The following SNTB2 variants were observed in gnomAD, a reference collection of about 807,000 sequenced individuals.
The protein encoded by SNTB2 is beta-2-syntrophin.
Under a neutral mutation model 46.2 loss-of-function variants are expected in SNTB2, and 34 were observed. The observed-to-expected ratio is 0.74, with a 90% CI of 0.56 to 0.98. The LOEUF (loss-of-function observed/expected upper bound fraction) is 0.98. SNTB2 is among the 50% of genes least tolerant of loss of function. The probability of loss-of-function intolerance (pLI) is 0.00; values close to 1 mark genes in which losing one functional copy is unlikely to be tolerated. For synonymous variants in SNTB2, 290 were observed against 312.6 expected (o/e 0.93, Z 0.76); for missense variants, 603 against 731.4 (o/e 0.82, Z 2.02).
At chr16:69,244,485 T>C (rs1964649907) in intron 1 of SNTB2, among the ~76,000 whole-genome samples, 1 of 152,244 alleles carries the variant, frequency 6.6e-6, no homozygotes, top group Non-Finnish European at 1.5e-5. Context: ...ATGTATTACC[T>C]ATTCACAGGA....
intron 1 of SNTB2, among the ~76,000 whole-genome samples, chr16:69,221,135 A>T (rs1008028409): frequency 2.6e-5 from 4 of 152,014 alleles, no homozygotes; most frequent in Admixed American, 6.6e-5. Context: ...TTCATGTTTT[A>T]AAAAAAATGA....
chr16:69,235,009 T>C (rs964578703), intron 1 of SNTB2, among the ~76,000 whole-genome samples: 1 of 152,078 alleles, frequency 6.6e-6, no homozygotes, highest in East Asian at 1.9e-4. Flanking sequence ...GGCTCTCAAC[T>C]TGGTTCTTTA....
At chr16:69,270,969 G>A (rs16958714) in intron 4 of SNTB2, among the ~76,000 whole-genome samples, 3,499 of 152,222 alleles carry the variant, frequency 0.023, 134 homozygotes, top group African/African-American at 0.08. Flanking sequence ...CATTAAAGAA[G>A]AGCGCCATGG....
chr16:69,299,473 A>T, intron 5 of SNTB2, 117 bp from the exon 6 acceptor site: 1 of 960,866 alleles, frequency 1.0e-6, no homozygotes, highest in Non-Finnish European at 1.6e-6. Context: ...CATACAGGTT[A>T]GGTATCACAC....
chr16:69,187,310 G>T lies in SNTB2; in HGVS notation c.144G>T (p.Leu48=). The T allele has an allele frequency of 6.8e-7, 1 of 1,467,790 alleles. No homozygotes were observed. 90.9% of individuals were successfully genotyped at this position (1,467,790 alleles called of 1,614,324 possible). A position where few individuals can be genotyped will look rare whatever the true frequency, so the allele number is the denominator to read the frequency against. Residue 48 remains leucine, a synonymous_variant, in exon 1 of 7, where the codon CTG becomes CTT. Transcript: ENST00000336278. The stretch of plus-strand genomic sequence containing the variant: ...TGGCCGAGCTGAGCGGGGAGAGCCT[G>T]AGCCTGACGGGCGACGCCGCCGCGG... ...RVVAELSGES[L]SLTGDAAAAE...
intron 4 of SNTB2, among the ~76,000 whole-genome samples, chr16:69,272,665 G>A (rs1234247395): frequency 2.0e-5 from 3 of 151,736 alleles, no homozygotes; most frequent in African/African-American, 7.3e-5. Flanking sequence ...GCCAAGGCAG[G>A]TTGATCACCT....
intron 5 of SNTB2, among the ~76,000 whole-genome samples, chr16:69,284,459 TAAAAAAAA>T (rs3087058): frequency 2.8e-4 from 13 of 45,908 alleles, no homozygotes; most frequent in Admixed American, 3.5e-4. Context: ...CCGTCTTTAC[TAAAAAAAA>T]AAAAAAAAAA....
intron 1 of SNTB2, among the ~76,000 whole-genome samples, chr16:69,218,575 C>G (rs1327384664): frequency 1.3e-5 from 2 of 152,060 alleles, no homozygotes; most frequent in Non-Finnish European, 2.9e-5. Flanking sequence ...GCGCCTGCCA[C>G]CACACCCGGC....
intron 5 of SNTB2, 28 bp from the exon 6 acceptor site, chr16:69,299,562 A>C (rs1282774766): frequency 1.2e-6 from 2 of 1,605,674 alleles, no homozygotes; most frequent in South Asian, 2.2e-5. Flanking sequence ...CAACTTTACA[A>C]CTAATGTTTT....
At position 69,187,747 on chromosome 16, in the gene SNTB2, G is replaced by T; in HGVS notation, c.580+1G>T. Reference sequence around the variant, plus strand: ...GCGGGCAAGGAGGTGCTGCTGGAGGGTGAGCGGGGCCGGGCGGGAGGGTGG... The same window carrying T: ...GCGGGCAAGGAGGTGCTGCTGGAGGTTGAGCGGGGCCGGGCGGGAGGGTGG... On this transcript the variant is annotated splice_donor_variant, in intron 1 of 6. Transcript: ENST00000336278. LOFTEE classifies it high-confidence loss of function. 1 of 1,433,976 alleles carries T rather than the reference G, an allele frequency of 7.0e-7. No homozygotes were observed. Among genetic ancestry groups the T allele is most frequent in the Non-Finnish European group, 9.2e-7 (1 of 1,088,674 alleles). The allele number at this position is 1,433,976 out of a possible 1,614,324, so 88.8% of individuals were successfully genotyped here.
chr16:69,283,681 T>A (rs1261881942), intron 4 of SNTB2, among the ~76,000 whole-genome samples: 2 of 152,232 alleles, frequency 1.3e-5, no homozygotes, highest in Non-Finnish European at 2.9e-5. Context: ...ATCTTTTTGA[T>A]ACATATAACC....
chr16:69,284,779 C>A (rs1965086045), intron 5 of SNTB2, among the ~76,000 whole-genome samples: 1 of 151,704 alleles, frequency 6.6e-6, no homozygotes, highest in African/African-American at 2.4e-5. Context: ...GTCTCAAAAA[C>A]AAACAAACAA....
chr16:69,220,383 G>C (rs950167850), intron 1 of SNTB2, among the ~76,000 whole-genome samples: 1 of 150,914 alleles, frequency 6.6e-6, no homozygotes, highest in Admixed American at 6.6e-5. Context: ...GGATGGTCTC[G>C]ATCTCCTGAC....
At chr16:69,213,708 C>T (rs1288562406) in intron 1 of SNTB2, among the ~76,000 whole-genome samples, 1 of 151,076 alleles carries the variant, frequency 6.6e-6, no homozygotes, top group East Asian at 2.0e-4. Context: ...CCATGCTGGC[C>T]AGGCTGGTCT....
At chr16:69,286,028 G>T (rs561133537) in intron 5 of SNTB2, among the ~76,000 whole-genome samples, 1 of 152,164 alleles carries the variant, frequency 6.6e-6, no homozygotes, top group African/African-American at 2.4e-5. Flanking sequence ...TCTGACCTCA[G>T]GTGATCCACC....
intron 1 of SNTB2, among the ~76,000 whole-genome samples, chr16:69,242,259 C>G (rs914963254): frequency 2.6e-4 from 40 of 151,926 alleles, no homozygotes; most frequent in African/African-American, 9.4e-4. Flanking sequence ...GACCTTGTCT[C>G]TACAAAAAAT....
intron 1 of SNTB2, among the ~76,000 whole-genome samples, chr16:69,201,740 G>A (rs1253828282): frequency 2.0e-5 from 3 of 152,160 alleles, no homozygotes; most frequent in African/African-American, 7.2e-5. Flanking sequence ...TCAGAAAAAA[G>A]AGTTTGAATA....
intron 1 of SNTB2, among the ~76,000 whole-genome samples, chr16:69,197,504 G>T (rs1219539573): frequency 1.3e-5 from 2 of 152,074 alleles, no homozygotes; most frequent in Non-Finnish European, 2.9e-5. Context: ...GAAATATCTT[G>T]TAATAATTGT....
intron 2 of SNTB2, among the ~76,000 whole-genome samples, chr16:69,256,297 A>C (rs1223376405): frequency 6.6e-6 from 1 of 152,208 alleles, no homozygotes; most frequent in East Asian, 1.9e-4. Context: ...TTGGGATTAC[A>C]GGCATGAGTC....
Sources: allele counts gnomAD v4.1 joint callset (sites outside exome capture counted in the v4.1 genomes callset), GRCh38; gene constraint gnomAD v4.1.1; transcripts MANE v1.5; gene names NCBI Gene and HGNC (gene_info 2026-07-23, HGNC 2026-07-21).